The following TOM1 variants were observed in gnomAD, a reference collection of about 807,000 sequenced individuals.
TOM1 encodes the protein target of Myb protein 1.
In TOM1, 38 loss-of-function variants were observed where a neutral mutation model predicts 61.3. The observed-to-expected ratio is 0.62, with a 90% CI of 0.48 to 0.81. TOM1 has a LOEUF of 0.81. Ranked by LOEUF, TOM1 falls within the 40% of genes least tolerant of loss-of-function variation. TOM1 has a pLI of 0.00. For missense variants in TOM1, 591 were observed against 659.6 expected (o/e 0.90, Z 1.14); for synonymous variants, 270 against 268.8 (o/e 1.00, Z -0.04).
intron 1 of TOM1, among the ~76,000 whole-genome samples, chr22:35,301,619 G>C (rs138733): frequency 0.58 from 88,554 of 152,118 alleles, 27,549 homozygotes; most frequent in Non-Finnish European, 0.7. Context: ...TCCATTCTTA[G>C]TGTCTTGCGA....
chr22:35,338,503 C>T (rs913627165), intron 11 of TOM1, among the ~76,000 whole-genome samples: 3 of 152,080 alleles, frequency 2.0e-5, no homozygotes, highest in Admixed American at 1.3e-4. Context: ...CCAGCAACAC[C>T]CTCCCTAACC....
intron 2 of TOM1, among the ~76,000 whole-genome samples, chr22:35,318,725 C>T (rs1927519850): frequency 1.3e-5 from 2 of 152,248 alleles, no homozygotes; most frequent in Admixed American, 1.3e-4. Flanking sequence ...GGTCCCTGTC[C>T]TCTCAGGAAA....
rs774671873 is a variant in TOM1 at position 35,323,757 on chromosome 22, C to T, written c.502-11C>T. ...CAGGAGCCCTCACTGATCCTGTTTT[C>T]CTCCCACTAGACCGTGTTCAACTCA... On this transcript the variant is annotated splice_polypyrimidine_tract_variant and intron_variant, in intron 5 of 14. Transcript: ENST00000449058. The surrounding 1 kb of genome is among the most constrained non-coding windows in gnomAD (Gnocchi z 4.2). 2 of 1,601,860 alleles carry T rather than the reference C, an allele frequency of 1.2e-6. No individual in the cohort carries two copies. Among genetic ancestry groups the T allele is most frequent in the Non-Finnish European group, 1.7e-6 (2 of 1,172,112 alleles).
intron 1 of TOM1, among the ~76,000 whole-genome samples, chr22:35,309,793 G>A (rs948534512): frequency 2.0e-5 from 3 of 151,968 alleles, no homozygotes; most frequent in Non-Finnish European, 4.4e-5. Context: ...TTTCATCCTC[G>A]TGCTTGCATT....
intron 1 of TOM1, among the ~76,000 whole-genome samples, chr22:35,309,436 G>A (rs1250093057): frequency 2.0e-5 from 3 of 152,134 alleles, no homozygotes; most frequent in Non-Finnish European, 2.9e-5. Context: ...CTGAGGTCAG[G>A]AGTTCAAGAC....
chr22:35,333,466 C>T lies in TOM1; in HGVS notation c.996C>T (p.Thr332=), dbSNP rs745745307. 140 of 1,614,040 alleles carry T rather than the reference C, an allele frequency of 8.7e-5. No individual in the cohort carries two copies. Among genetic ancestry groups the T allele is most frequent in the Non-Finnish European group, 1.0e-4 (122 of 1,180,042 alleles). The part of the protein sequence containing the change: ...LIDMGPDPAA[T]GNLSSQLAGM... ...ACATGGGCCCTGACCCAGCAGCCAC[C>T]GGCAACCTCTCATCCCAGCTGGCAG... The change falls in exon 10 of 15, where the codon ACC becomes ACT. Residue 332 remains threonine, a synonymous_variant. Coordinates refer to ENST00000449058, the MANE Select transcript of TOM1 (RefSeq NM_005488.3).
intron 12 of TOM1, among the ~76,000 whole-genome samples, chr22:35,342,851 C>T (rs1054639539): frequency 6.8e-6 from 1 of 147,584 alleles, no homozygotes; most frequent in African/African-American, 2.5e-5. Context: ...ACCACACCTA[C>T]ACACTCATGC....
intron 11 of TOM1, 91 bp from the exon 12 acceptor site, chr22:35,338,622 G>A (rs1242223686): frequency 1.9e-6 from 2 of 1,036,054 alleles, no homozygotes; most frequent in Admixed American, 6.9e-5. Context: ...TGGAGGATGG[G>A]AGCCGTCAAT....
Position 35,333,282 on chromosome 22 carries a change from T to A in TOM1, c.934-122T>A, listed in dbSNP as rs113154097. 11,850 of 941,978 alleles carry A rather than the reference T, an allele frequency of 0.013. 579 individuals carry two copies. The African/African-American group carries it at 0.14, about 11-fold the overall frequency. The allele number at this position is 941,978 out of a possible 1,614,324, so 58.4% of individuals were successfully genotyped here. On this transcript the variant is annotated intron_variant, in intron 9 of 14. Coordinates refer to ENST00000449058, the MANE Select transcript of TOM1 (RefSeq NM_005488.3). ...AGGAAGGAAATTCCCTGATGCCCAG[T>A]CCTAGCTCCTGGGGCCCTGGTGACA...
Position 35,323,873 on chromosome 22 carries a change from A to T in TOM1, c.607A>T (p.Ile203Leu). ...QHAAPLPAPP[I>L]LSGDTPIAPT... ...TGCTGCCCCTCTGCCCGCCCCGCCC[A>T]TACTCTCCGGTGACACGCCCATAGC... Residue 203 changes from isoleucine (I) to leucine (L), a missense_variant, in exon 6 of 15, where the codon ATA becomes TTA. Ile to Leu is a conservative substitution (Grantham distance 5). Coordinates refer to ENST00000449058, the MANE Select transcript of TOM1 (RefSeq NM_005488.3). This position sits in a 1 kb window ranked among gnomAD's most constrained non-coding sequence, Gnocchi z 4.2. 6.2e-7 allele frequency: 1 copy of T among 1,604,304 alleles called. No individual in the cohort carries two copies. Among genetic ancestry groups the T allele is most frequent in the Non-Finnish European group, 8.5e-7 (1 of 1,175,270 alleles).
intron 1 of TOM1, among the ~76,000 whole-genome samples, chr22:35,308,037 G>C (rs1189824061): frequency 6.6e-6 from 1 of 152,140 alleles, no homozygotes; most frequent in East Asian, 1.9e-4. Context: ...GCCTGAATAG[G>C]AAAAAGACTG....
intron 6 of TOM1, among the ~76,000 whole-genome samples, chr22:35,324,175 G>T (rs1423276373): frequency 6.6e-6 from 1 of 152,212 alleles, no homozygotes; most frequent in Admixed American, 6.5e-5. Context: ...CTGTACCTTG[G>T]CCATTTTCCA....
chr22:35,323,384 T>C lies in TOM1; in HGVS notation c.367-112T>C. Reference sequence around the variant, plus strand: ...TGTGGAGTGGGCAGGGCAGATGTAGTTAAAAAAAAAAAAAAAGCAGGGAAA... The same window carrying C: ...TGTGGAGTGGGCAGGGCAGATGTAGCTAAAAAAAAAAAAAAAGCAGGGAAA... On this transcript the variant is annotated intron_variant, in intron 4 of 14. Coordinates refer to ENST00000449058, the MANE Select transcript of TOM1 (RefSeq NM_005488.3). This position sits in a 1 kb window ranked among gnomAD's most constrained non-coding sequence, Gnocchi z 4.2. The C allele has an allele frequency of 1.1e-5, 15 of 1,360,730 alleles. No individual in the cohort carries two copies. Among genetic ancestry groups the C allele is most frequent in the Non-Finnish European group, 1.5e-5 (15 of 998,712 alleles). 84.3% of individuals were successfully genotyped at this position (1,360,730 alleles called of 1,614,324 possible).
intron 11 of TOM1, 46 bp from the exon 12 acceptor site, chr22:35,338,667 C>T (rs1929595350): frequency 6.8e-7 from 1 of 1,468,734 alleles, no homozygotes; most frequent in Non-Finnish European, 9.1e-7. Flanking sequence ...CTTGCATCAG[C>T]CATCGGTAAG....
At chr22:35,299,803 C>T (rs1925540912), upstream of TOM1, 10 of 1,096,366 alleles carry the variant, frequency 9.1e-6, no homozygotes, top group South Asian at 1.5e-5. Context: ...TGTGGTCGAG[C>T]TTCGCGGTGC....
At chr22:35,314,095 A>G (rs1289764378) in intron 1 of TOM1, among the ~76,000 whole-genome samples, 1 of 152,228 alleles carries the variant, frequency 6.6e-6, no homozygotes, top group African/African-American at 2.4e-5. Context: ...CTGATGGAAT[A>G]TGCCTACCCT....
chr22:35,335,979 A>AC (rs1929288820), intron 11 of TOM1, among the ~76,000 whole-genome samples: 1 of 152,116 alleles, frequency 6.6e-6, no homozygotes, highest in Non-Finnish European at 1.5e-5. Flanking sequence ...GATGCTCTTC[A>AC]CACAGGGAAG....
Position 35,306,379 on chromosome 22 carries a change from T to G in TOM1, c.52+6399T>G, listed in dbSNP as rs57705338. Among the ~76,000 whole-genome samples the G allele has an allele frequency of 9.5e-3, 1,448 of 152,286 alleles. 16 individuals are homozygous for G. The highest frequency in any genetic ancestry group is 0.033 in the African/African-American group (1,359 of 41,542). ...GTGTGCCCATGTGAGCCCTAATATCTTGAAGCTTCTGTTTCCTGATCCGTA... is the reference window on the plus strand; with the variant it reads ...GTGTGCCCATGTGAGCCCTAATATCGTGAAGCTTCTGTTTCCTGATCCGTA... On this transcript the variant is annotated intron_variant, in intron 1 of 14. Coordinates refer to ENST00000449058, the MANE Select transcript of TOM1 (RefSeq NM_005488.3).
intron 1 of TOM1, among the ~76,000 whole-genome samples, chr22:35,311,867 ATGT>A (rs1926854978): frequency 6.6e-6 from 1 of 152,136 alleles, no homozygotes; most frequent in Middle Eastern, 3.2e-3. Flanking sequence ...GTTCTCCATG[ATGT>A]TGTTATTGTC....
Sources: allele counts gnomAD v4.1 joint callset (sites outside exome capture counted in the v4.1 genomes callset), GRCh38; gene constraint gnomAD v4.1.1; non-coding constraint Gnocchi (gnomAD v3.1); transcripts MANE v1.5; gene names NCBI Gene and HGNC (gene_info 2026-07-23, HGNC 2026-07-21).